Variants in ANKS1A observed in about 807,000 individuals in gnomAD.
The protein encoded by ANKS1A is ankyrin repeat and SAM domain-containing protein 1A.
ANKS1A carries 55 observed loss-of-function variants against 120.3 expected under a neutral mutation model. The observed-to-expected ratio is 0.46, with a 90% CI of 0.37 to 0.57. The LOEUF (loss-of-function observed/expected upper bound fraction) is 0.57, where lower values mean the gene tolerates loss of function less well. ANKS1A is among the 20% of genes least tolerant of loss of function. The pLI, the probability that ANKS1A is intolerant of heterozygous loss-of-function variation, is 0.00. For missense variants in ANKS1A, 1,123 were observed against 1,480.3 expected (o/e 0.76, Z 3.96); for synonymous variants, 590 against 604.7 (o/e 0.98, Z 0.36).
chr6:34,929,803 CCTTCTCT>C (rs1768892658), intron 1 of ANKS1A, among the ~76,000 whole-genome samples: 2 of 127,002 alleles, frequency 1.6e-5, no homozygotes, highest in African/African-American at 7.2e-5. Flanking sequence ...TTTCCTTCCT[CCTTCTCT>C]CTCTCTCTTT....
At chr6:35,052,609 TAAAAAAAA>T (rs59378149) in intron 11 of ANKS1A, among the ~76,000 whole-genome samples, 32 of 102,412 alleles carry the variant, frequency 3.1e-4, no homozygotes, top group African/African-American at 4.3e-4. Context: ...TCTTCTCTGT[TAAAAAAAA>T]AAAAAAAAAA....
chr6:34,921,338 G>C (rs1239869865), intron 1 of ANKS1A, among the ~76,000 whole-genome samples: 2 of 152,048 alleles, frequency 1.3e-5, no homozygotes, highest in Non-Finnish European at 2.9e-5. Flanking sequence ...GGATGAACAT[G>C]GTTTTTTAAG....
At chr6:34,926,086 A>C (rs917358417) in intron 1 of ANKS1A, among the ~76,000 whole-genome samples, 25 of 152,350 alleles carry the variant, frequency 1.6e-4, no homozygotes, top group African/African-American at 6.0e-4. Context: ...TCCTAGGCCA[A>C]TGTGAAGTAA....
downstream of ANKS1A, among the ~76,000 whole-genome samples, chr6:35,095,345 G>T (rs565097916): frequency 1.3e-5 from 2 of 152,024 alleles, no homozygotes; most frequent in East Asian, 3.9e-4. Context: ...GGCTGAGACA[G>T]GTGGATCACG....
At chr6:35,097,035 A>AT in the ANKS1A span, among the ~76,000 whole-genome samples, 64 of 150,292 alleles carry the variant, frequency 4.3e-4, no homozygotes, top group East Asian at 2.3e-3. Context: ...ATTCCAGCCA[A>AT]TTTTTTTTTT....
intron 12 of ANKS1A, among the ~76,000 whole-genome samples, chr6:35,059,461 G>A (rs1457216579): frequency 6.6e-6 from 1 of 152,230 alleles, no homozygotes; most frequent in Non-Finnish European, 1.5e-5. Context: ...GGACTGCTGG[G>A]GGAAAACAAG....
intron 1 of ANKS1A, among the ~76,000 whole-genome samples, chr6:34,902,548 C>T (rs1767407718): frequency 1.3e-5 from 2 of 151,914 alleles, no homozygotes; most frequent in African/African-American, 4.8e-5. Flanking sequence ...GCGCCTGGCC[C>T]AAGTTTTTCT....
At chr6:34,996,843 TGA>T (rs1772881396) in intron 10 of ANKS1A, among the ~76,000 whole-genome samples, 1 of 152,184 alleles carries the variant, frequency 6.6e-6, no homozygotes. Flanking sequence ...TGATCAATTG[TGA>T]GTTAATTTTT....
intron 11 of ANKS1A, among the ~76,000 whole-genome samples, chr6:35,039,320 T>G (rs1775341476): frequency 6.7e-6 from 1 of 148,870 alleles, no homozygotes; most frequent in South Asian, 2.2e-4. Context: ...TGTCTCAGCC[T>G]CCTGAGTAGC....
At chr6:35,025,309 A>G (rs1320899402) in intron 11 of ANKS1A, among the ~76,000 whole-genome samples, 1 of 151,228 alleles carries the variant, frequency 6.6e-6, no homozygotes, top group African/African-American at 2.4e-5. Flanking sequence ...GTGTGTATTT[A>G]TGTATGTTTA....
rs35213739 is a variant in ANKS1A at position 35,017,939 on chromosome 6, C to T, written c.1890C>T (p.Leu630=). Residue 630 remains leucine, a synonymous_variant, in exon 11 of 24, where the codon CTC becomes CTT. Transcript: ENST00000360359. ...GCTTGTCCAAGTCTGACTCTGATCT[C>T]CTGACCTGCTCACCCACAGAGGACG... ...SRSLSKSDSD[L]LTCSPTEDAT... 1.1e-3 allele frequency: 1,788 copies of T among 1,614,226 alleles called. 28 individuals carry two copies. In the African/African-American group the frequency reaches 0.022, roughly 20 times the overall value.
chr6:34,940,261 G>C (rs1364027946), intron 1 of ANKS1A, among the ~76,000 whole-genome samples: 7 of 152,206 alleles, frequency 4.6e-5, no homozygotes, highest in African/African-American at 1.7e-4. Flanking sequence ...GGAGCACTTT[G>C]TGTTGACTGA....
At chr6:35,059,518 G>A (rs889624313) in intron 12 of ANKS1A, among the ~76,000 whole-genome samples, 2 of 152,248 alleles carry the variant, frequency 1.3e-5, no homozygotes, top group South Asian at 2.1e-4. Context: ...TGCTTGTGTT[G>A]CATGTGCTGG....
chr6:34,934,449 C>A (rs1024952076), intron 1 of ANKS1A, among the ~76,000 whole-genome samples: 1 of 152,096 alleles, frequency 6.6e-6, no homozygotes, highest in Non-Finnish European at 1.5e-5. Context: ...CGCCCAGCCA[C>A]CCCCAGGTAC....
At chr6:34,995,333 C>CTCTT (rs929027449) in intron 10 of ANKS1A, among the ~76,000 whole-genome samples, 69 of 152,006 alleles carry the variant, frequency 4.5e-4, no homozygotes, top group African/African-American at 1.5e-3. Flanking sequence ...AAAAGGTTTT[C>CTCTT]TCTTGCATGC....
chr6:35,027,462 G>A (rs1774686521), intron 11 of ANKS1A, among the ~76,000 whole-genome samples: 1 of 152,104 alleles, frequency 6.6e-6, no homozygotes, highest in South Asian at 2.1e-4. Context: ...ATATGAAGGT[G>A]GTCTGTGTGT....
chr6:35,029,608 C>G (rs1033680019), intron 11 of ANKS1A, among the ~76,000 whole-genome samples: 2 of 151,672 alleles, frequency 1.3e-5, no homozygotes, highest in African/African-American at 4.8e-5. Context: ...CCTGGGCCTC[C>G]CAAATTGCTG....
At chr6:34,908,543 G>T (rs13207561) in intron 1 of ANKS1A, among the ~76,000 whole-genome samples, 4,608 of 152,220 alleles carry the variant, frequency 0.03, 114 homozygotes, top group Non-Finnish European at 0.047. Context: ...CAATAAAAAA[G>T]TTGTTTCAGT....
intron 11 of ANKS1A, among the ~76,000 whole-genome samples, chr6:35,039,076 A>ATGTG (rs879560591): frequency 1.1e-3 from 69 of 63,932 alleles, no homozygotes; most frequent in Middle Eastern, 9.4e-3. Flanking sequence ...TTTTGCATGT[A>ATGTG]TGTGTGTGTG....
Sources: allele counts gnomAD v4.1 joint callset (sites outside exome capture counted in the v4.1 genomes callset), GRCh38; gene constraint gnomAD v4.1.1; transcripts MANE v1.5; gene names NCBI Gene and HGNC (gene_info 2026-07-23, HGNC 2026-07-21).